Variants in RPS6KA1 observed in about 807,000 individuals in gnomAD.
RPS6KA1 encodes the protein ribosomal protein S6 kinase alpha-1.
A neutral mutation model predicts 91.3 loss-of-function variants in RPS6KA1; 48 were observed. That is an observed-to-expected ratio of 0.53 (90% CI 0.42 to 0.67). The LOEUF (loss-of-function observed/expected upper bound fraction) is 0.67. Ranked by LOEUF, RPS6KA1 falls within the 30% of genes least tolerant of loss-of-function variation. RPS6KA1 has a pLI of 0.00. For synonymous variants in RPS6KA1, 359 were observed against 384.7 expected, an observed-to-expected ratio of 0.93 and a Z score of 0.78; for missense variants, 719 against 960.5, an observed-to-expected ratio of 0.75 and a Z score of 3.32.
Position 26,561,093 on chromosome 1 carries a change from C to T in RPS6KA1, c.1390C>T (p.Leu464=). 1 of 1,614,072 alleles carries T rather than the reference C, an allele frequency of 6.2e-7. No homozygotes were observed. Among genetic ancestry groups the T allele is most frequent in the East Asian group, 2.2e-5 (1 of 44,880 alleles). ...RDPSEEIEIL[L]RYGQHPNIIT... Reference sequence around the variant, plus strand: ...TCCTTCAGAAGAGATTGAGATTCTTCTGCGGTATGGCCAGCACCCCAACAT... The same window carrying T: ...TCCTTCAGAAGAGATTGAGATTCTTTTGCGGTATGGCCAGCACCCCAACAT... The change falls in exon 16 of 22, where the codon CTG becomes TTG. Residue 464 remains leucine, a synonymous_variant. Coordinates refer to ENST00000374168, the MANE Select transcript of RPS6KA1 (RefSeq NM_002953.4). This position sits in a 1 kb window ranked among gnomAD's most constrained non-coding sequence, Gnocchi z 5.7.
At chr1:26,530,067 C>T (rs1286218478) in intron 1 of RPS6KA1, 84 bp downstream of exon 1, 13 of 1,013,314 alleles carry the variant, frequency 1.3e-5, no homozygotes, top group Non-Finnish European at 1.6e-5. Context: ...AGCGCCGCTG[C>T]AGTCCGGCGG....
intron 1 of RPS6KA1, 131 bp from the exon 2 acceptor site, chr1:26,536,794 A>G (rs1371907531): frequency 1.0e-6 from 1 of 977,326 alleles, no homozygotes; most frequent in Non-Finnish European, 1.6e-6. Flanking sequence ...GGACCCACCC[A>G]GGACTCCTGC....
At chr1:26,531,676 G>A (rs1395202264) in intron 1 of RPS6KA1, among the ~76,000 whole-genome samples, 2 of 152,172 alleles carry the variant, frequency 1.3e-5, no homozygotes, top group South Asian at 2.1e-4. Flanking sequence ...GCAGGGGGAC[G>A]CAATTTCCTC....
chr1:26,573,115 C>T (rs942739415), intron 20 of RPS6KA1, 109 bp from the exon 21 acceptor site: 49 of 1,198,384 alleles, frequency 4.1e-5, no homozygotes, highest in African/African-American at 1.2e-4. Context: ...CAGGGGCTGC[C>T]GCAAGGGTTC....
Position 26,554,357 on chromosome 1 carries a change from C to T in RPS6KA1, c.613+106C>T. ...GCTCATTCTTCCCGAGAAGCCGTGC[C>T]AGTTACTTGGAAGTGGTCAAAAACT... is the stretch of plus-strand genomic sequence containing the variant. On this transcript the variant is annotated intron_variant, in intron 8 of 21. Coordinates refer to ENST00000374168, the MANE Select transcript of RPS6KA1 (RefSeq NM_002953.4). The surrounding 1 kb of genome is among the most constrained non-coding windows in gnomAD (Gnocchi z 4.6). 5 of 1,295,754 alleles carry T rather than the reference C, an allele frequency of 3.9e-6. No individual in the cohort carries two copies. The highest frequency in any genetic ancestry group is 5.3e-6 in the Non-Finnish European group (5 of 935,066). The allele number at this position is 1,295,754 out of a possible 1,614,324, so 80.3% of individuals were successfully genotyped here.
Position 26,555,410 on chromosome 1 carries a change from C to T in RPS6KA1, c.828-127C>T. The T allele has an allele frequency of 9.2e-7, 1 of 1,083,540 alleles. No individual in the cohort carries two copies. The highest frequency in any genetic ancestry group is 1.4e-6 in the Non-Finnish European group (1 of 733,918). 67.1% of individuals were successfully genotyped at this position (1,083,540 alleles called of 1,614,324 possible). Reference sequence around the variant, plus strand: ...GGGCCTGTGGGTAGGATCCCTGAAGCCTTTGGGAAGTGAATTAGTGGATGG... The same window carrying T: ...GGGCCTGTGGGTAGGATCCCTGAAGTCTTTGGGAAGTGAATTAGTGGATGG... On this transcript the variant is annotated intron_variant, in intron 10 of 21. Coordinates refer to ENST00000374168, the MANE Select transcript of RPS6KA1 (RefSeq NM_002953.4). This position sits in a 1 kb window ranked among gnomAD's most constrained non-coding sequence, Gnocchi z 4.3.
rs995209043 is a variant in RPS6KA1 at position 26,547,102 on chromosome 1, G to A, written c.226-87G>A. 6.4e-7 allele frequency: 1 copy of A among 1,556,016 alleles called. No individual in the cohort carries two copies. Among genetic ancestry groups the A allele is most frequent in the Admixed American group, 1.7e-5 (1 of 59,818 alleles). The stretch of plus-strand genomic sequence containing the variant: ...CTTGGTACCCAGGGAGAGCAAAAAG[G>A]TCAGCTTGGGGCTCAGAGAAGATAG... On this transcript the variant is annotated intron_variant, in intron 3 of 21. Transcript: ENST00000374168. This position sits in a 1 kb window ranked among gnomAD's most constrained non-coding sequence, Gnocchi z 4.1.
chr1:26,532,978 T>C (rs752322196), intron 1 of RPS6KA1, among the ~76,000 whole-genome samples: 99 of 152,194 alleles, frequency 6.5e-4, no homozygotes, highest in Non-Finnish European at 8.5e-4. Flanking sequence ...CATTCAGTCA[T>C]TTATTTAGCA....
rs2075935362 is a variant in RPS6KA1, at chr1:26,540,033, G to A, written c.108+3064G>A. On this transcript the variant is annotated intron_variant, in intron 2 of 21. Transcript: ENST00000374168. The surrounding 1 kb of genome is among the most constrained non-coding windows in gnomAD (Gnocchi z 4.2). ...TTCAGGGAGCCTTGGGCAGCCTCAG[G>A]TGTTGGGAGGAACTTCCCTTGGCCT... Among the ~76,000 whole-genome samples, 1 of 152,188 alleles carries A rather than the reference G, an allele frequency of 6.6e-6. No homozygotes were observed. The highest frequency in any genetic ancestry group is 2.1e-4 in the South Asian group (1 of 4,830).
chr1:26,545,564 G>C (rs1470362000), intron 2 of RPS6KA1, among the ~76,000 whole-genome samples: 1 of 152,146 alleles, frequency 6.6e-6, no homozygotes, highest in African/African-American at 2.4e-5. Flanking sequence ...TTTGTCTGTT[G>C]GGTACCTGTT....
In RPS6KA1 at chr1:26,573,301, C is replaced by A. The variant is rs772282737; in HGVS notation, c.2025C>A (p.Val675=). 6.2e-7 allele frequency: 1 copy of A among 1,614,202 alleles called. No homozygotes were observed. Among genetic ancestry groups the A allele is most frequent in the Admixed American group, 1.7e-5 (1 of 60,022 alleles). ...TAKQVLQHPW[V]TQKDKLPQSQ... is the part of the protein sequence containing the mutation. Reference sequence around the variant, plus strand: ...AGCAGGTTCTGCAGCATCCATGGGTCACCCAGAAAGACAAGCTTCCCCAAA... The same window carrying A: ...AGCAGGTTCTGCAGCATCCATGGGTAACCCAGAAAGACAAGCTTCCCCAAA... The change falls in exon 21 of 22, where the codon GTC becomes GTA. Residue 675 remains valine, a synonymous_variant. Transcript: ENST00000374168.
intron 14 of RPS6KA1, among the ~76,000 whole-genome samples, chr1:26,559,955 G>C (rs1015002827): frequency 2.0e-5 from 3 of 152,208 alleles, no homozygotes; most frequent in African/African-American, 7.2e-5. Context: ...AGCTGGGCGT[G>C]TTGGCGCGTG....
chr1:26,550,501 T>C (rs954680805), intron 4 of RPS6KA1, among the ~76,000 whole-genome samples: 2 of 151,962 alleles, frequency 1.3e-5, no homozygotes, highest in African/African-American at 2.4e-5. Context: ...GTATTTTTAA[T>C]AGAGACAGGG....
At position 26,573,454 on chromosome 1, in the gene RPS6KA1, G is replaced by A; in HGVS notation, c.2085+93G>A. Reference sequence around the variant, plus strand: ...GGAAGAGCCAGGCAATGCCATGTCTGTACCAAGCACCATGAGGTGGAACAT... The same window carrying A: ...GGAAGAGCCAGGCAATGCCATGTCTATACCAAGCACCATGAGGTGGAACAT... On this transcript the variant is annotated intron_variant, in intron 21 of 21. Coordinates refer to ENST00000374168, the MANE Select transcript of RPS6KA1 (RefSeq NM_002953.4). 2.1e-6 allele frequency: 3 copies of A among 1,429,702 alleles called. No homozygotes were observed. The South Asian group carries it at 3.6e-5, about 17-fold the overall frequency. The allele number at this position is 1,429,702 out of a possible 1,614,324, so 88.6% of individuals were successfully genotyped here. A position where few individuals can be genotyped will look rare whatever the true frequency, so the allele number is the denominator to read the frequency against.
chr1:26,530,792 G>A (rs1338224375), intron 1 of RPS6KA1: 1 of 1,288,750 alleles, frequency 7.8e-7, no homozygotes, highest in Non-Finnish European at 1.0e-6. Flanking sequence ...CAGTCCCTAA[G>A]CGTGCAGAAG....
In RPS6KA1 at chr1:26,571,439, C is replaced by G. The variant is rs1236232171; in HGVS notation, c.1591-10C>G. 2 of 1,613,826 alleles carry G rather than the reference C, an allele frequency of 1.2e-6. No individual in the cohort carries two copies. The highest frequency in any genetic ancestry group is 2.7e-5 in the African/African-American group (2 of 74,908). On this transcript the variant is annotated splice_polypyrimidine_tract_variant and intron_variant, in intron 17 of 21. Coordinates refer to ENST00000374168, the MANE Select transcript of RPS6KA1 (RefSeq NM_002953.4). The surrounding 1 kb of genome is among the most constrained non-coding windows in gnomAD (Gnocchi z 5.1). The stretch of plus-strand genomic sequence containing the variant: ...CACACTGAGAACTGACCCCAGCCCC[C>G]TGCCCCTAGGTTGTGCACAGGGACC...
rs747950016 is a variant in RPS6KA1, at chr1:26,558,826, C to T, written c.1104C>T (p.Pro368=). The change falls in exon 14 of 22, where the codon CCC becomes CCT. Residue 368 remains proline, a synonymous_variant. Coordinates refer to ENST00000374168, the MANE Select transcript of RPS6KA1 (RefSeq NM_002953.4). The surrounding 1 kb of genome is among the most constrained non-coding windows in gnomAD (Gnocchi z 4.0). ...GTACAGATTCCCCAGGCATCCCCCC[C>T]AGCGCTGGGGCCCATCAGCTGTTCC... The part of the protein sequence containing the change: ...RTPKDSPGIP[P]SAGAHQLFRG... 2 of 1,611,606 alleles carry T rather than the reference C, an allele frequency of 1.2e-6. No homozygotes were observed. Among genetic ancestry groups the T allele is most frequent in the South Asian group, 1.1e-5 (1 of 90,986 alleles).
At chr1:26,568,415 A>G (rs1009850454) in intron 17 of RPS6KA1, among the ~76,000 whole-genome samples, 1 of 152,166 alleles carries the variant, frequency 6.6e-6, no homozygotes, top group Non-Finnish European at 1.5e-5. Flanking sequence ...TCCTATAGGA[A>G]TTTGTAGTTT....
At chr1:26,567,467 G>A (rs1371630061) in intron 17 of RPS6KA1, among the ~76,000 whole-genome samples, 1 of 152,066 alleles carries the variant, frequency 6.6e-6, no homozygotes, top group Non-Finnish European at 1.5e-5. Context: ...TGCAACCTCC[G>A]CCTCCCAGGT....
Sources: allele counts gnomAD v4.1 joint callset (sites outside exome capture counted in the v4.1 genomes callset), GRCh38; gene constraint gnomAD v4.1.1; non-coding constraint Gnocchi (gnomAD v3.1); transcripts MANE v1.5; gene names NCBI Gene and HGNC (gene_info 2026-07-23, HGNC 2026-07-21).